Variants in HIPK2 observed in about 807,000 individuals in gnomAD.
HIPK2 encodes the protein homeodomain interacting protein kinase 2, also known as homeodomain-interacting protein kinase 2.
In HIPK2, 27 loss-of-function variants were observed where a neutral mutation model predicts 113.7. That is an observed-to-expected ratio of 0.24 (90% CI 0.17 to 0.33). The LOEUF (loss-of-function observed/expected upper bound fraction) is 0.33. HIPK2 is among the 10% of genes least tolerant of loss of function. The probability of loss-of-function intolerance (pLI) is 1.00; values close to 1 mark genes in which losing one functional copy is unlikely to be tolerated. For missense variants in HIPK2, 1,257 were observed against 1,588.0 expected (o/e 0.79, Z 3.54); for synonymous variants, 631 against 642.2 (o/e 0.98, Z 0.26).
chr7:139,715,772 G>A (rs1165615623), intron 2 of HIPK2, 160 bp downstream of exon 2: 58 of 590,316 alleles, frequency 9.8e-5, no homozygotes, highest in Non-Finnish European at 1.2e-4. Context: ...AATTGACATC[G>A]CAATGTGCAC....
intron 13 of HIPK2, among the ~76,000 whole-genome samples, chr7:139,579,366 C>T (rs189923759): frequency 3.9e-5 from 6 of 152,308 alleles, no homozygotes; most frequent in Admixed American, 3.3e-4. Context: ...AAGGCTCATA[C>T]TGTCTCAATG....
At chr7:139,649,589 G>C (rs1308215076) in intron 2 of HIPK2, among the ~76,000 whole-genome samples, 3 of 152,040 alleles carry the variant, frequency 2.0e-5, no homozygotes, top group Non-Finnish European at 4.4e-5. Flanking sequence ...ATTCGGGGGG[G>C]TGGTTTGGAA....
chr7:139,672,804 T>C (rs1297845196), intron 2 of HIPK2, among the ~76,000 whole-genome samples: 4 of 152,246 alleles, frequency 2.6e-5, no homozygotes, highest in Non-Finnish European at 4.4e-5. Context: ...TTAGAATCAC[T>C]GAACCAGAAT....
At chr7:139,756,517 C>T (rs143659552) in intron 1 of HIPK2, among the ~76,000 whole-genome samples, 28 of 152,262 alleles carry the variant, frequency 1.8e-4, no homozygotes, top group African/African-American at 4.8e-4. Context: ...CTCTGCCTCC[C>T]GGGTTCAAGC....
chr7:139,600,619 AG>A (rs1156802826), intron 10 of HIPK2, 23 bp from the exon 11 acceptor site: 2 of 1,611,792 alleles, frequency 1.2e-6, no homozygotes, highest in Non-Finnish European at 1.7e-6. Flanking sequence ...CGGGACAACA[AG>A]GTGCCTTAGA....
intron 2 of HIPK2, among the ~76,000 whole-genome samples, chr7:139,633,095 C>CAAAAAAAAAAAAAAAAAAA (rs942820284): frequency 1.9e-4 from 14 of 74,638 alleles, no homozygotes; most frequent in African/African-American, 5.4e-4. Flanking sequence ...GACCCTGTCT[C>CAAAAAAAAAAAAAAAAAAA]AAAAAAAAAA....
At chr7:139,623,865 C>T (rs1483080204) in intron 6 of HIPK2, among the ~76,000 whole-genome samples, 1 of 152,144 alleles carries the variant, frequency 6.6e-6, no homozygotes, top group East Asian at 1.9e-4. Context: ...ACAGGATTCC[C>T]TTCCCCTCCT....
chr7:139,758,706 G>C (rs1796401920), intron 1 of HIPK2, among the ~76,000 whole-genome samples: 1 of 152,152 alleles, frequency 6.6e-6, no homozygotes, highest in Non-Finnish European at 1.5e-5. Context: ...ACTAATGCCT[G>C]ATGATCTGAG....
chr7:139,716,916 T>A lies in HIPK2; in HGVS notation c.119A>T (p.Asp40Val). 1 of 1,613,906 alleles carries A rather than the reference T, an allele frequency of 6.2e-7. No homozygotes were observed. ...GCTGTGGGAGCCGTACCCAGTCATG[T>A]CCCAGTTGGAACTCGGCTCTATTTT... is the stretch of plus-strand genomic sequence containing the variant. ...KLKIEPSSNW[D>V]MTGYGSHSKV... Residue 40 changes from aspartate (D) to valine (V), a missense_variant, in exon 2 of 15, where the codon GAC becomes GTC. Coordinates refer to ENST00000406875, the MANE Select transcript of HIPK2 (RefSeq NM_022740.5). This position sits in a 1 kb window ranked among gnomAD's most constrained non-coding sequence, Gnocchi z 9.3.
At chr7:139,672,493 T>C (rs1802339727) in intron 2 of HIPK2, among the ~76,000 whole-genome samples, 2 of 152,172 alleles carry the variant, frequency 1.3e-5, no homozygotes, top group African/African-American at 4.8e-5. Context: ...GAGATGGAGT[T>C]TCGCTCTTGT....
chr7:139,740,993 G>A (rs1356060388), intron 1 of HIPK2, among the ~76,000 whole-genome samples: 1 of 152,052 alleles, frequency 6.6e-6, no homozygotes, highest in Admixed American at 6.5e-5. Context: ...CTAAAAATAC[G>A]AAAATTAGCC....
chr7:139,722,686 T>C (rs1183561514), intron 1 of HIPK2, among the ~76,000 whole-genome samples: 1 of 151,958 alleles, frequency 6.6e-6, no homozygotes, highest in South Asian at 2.1e-4. Context: ...TACGTCCTAC[T>C]GCCGGTTGGA....
intron 6 of HIPK2, among the ~76,000 whole-genome samples, chr7:139,623,558 A>G (rs376016591): frequency 2.6e-5 from 4 of 151,560 alleles, no homozygotes; most frequent in Admixed American, 6.6e-5. Context: ...GACAAATCCC[A>G]TAACAAGAGT....
At chr7:139,663,769 T>G (rs1801949020) in intron 2 of HIPK2, among the ~76,000 whole-genome samples, 1 of 152,144 alleles carries the variant, frequency 6.6e-6, no homozygotes, top group Admixed American at 6.5e-5. Flanking sequence ...ACTTTAGCAC[T>G]CTCCACAGTG....
chr7:139,641,493 G>A (rs1801019284), intron 2 of HIPK2, among the ~76,000 whole-genome samples: 1 of 152,100 alleles, frequency 6.6e-6, no homozygotes, highest in African/African-American at 2.4e-5. Flanking sequence ...CTGGGTACAT[G>A]CAGTACACTA....
rs60905469 is a variant in HIPK2, at chr7:139,673,885, T to TAAAAAA, written c.1103+42041_1103+42046dup. ...CACCATGGTGAAACCCTATCTGTACTAAAAAAAAAAAAAAAAAAAAAAAAA... is the reference window on the plus strand; with the variant it reads ...CACCATGGTGAAACCCTATCTGTACTAAAAAAAAAAAAAAAAAAAAAAAAAAAAAAA... On this transcript the variant is annotated intron_variant, in intron 2 of 14. Transcript: ENST00000406875. 1.1e-3 allele frequency among the ~76,000 whole-genome samples: 83 copies of TAAAAAA among 73,456 alleles called. 2 individuals are homozygous for TAAAAAA. The highest frequency in any genetic ancestry group is 8.2e-3 in the East Asian group (11 of 1,340). 48.2% of individuals were successfully genotyped at this position (73,456 alleles called of 152,430 possible). A position where few individuals can be genotyped will look rare whatever the true frequency, so the allele number is the denominator to read the frequency against.
chr7:139,603,154 C>A (rs1246103417), intron 10 of HIPK2, among the ~76,000 whole-genome samples: 1 of 152,106 alleles, frequency 6.6e-6, no homozygotes, highest in African/African-American at 2.4e-5. Context: ...TCGGAGAGAT[C>A]TTAATTCACA....
chr7:139,769,114 A>G (rs1286922996), intron 1 of HIPK2, among the ~76,000 whole-genome samples: 1 of 152,250 alleles, frequency 6.6e-6, no homozygotes, highest in African/African-American at 2.4e-5. Flanking sequence ...ATCCTAGATC[A>G]CTGCCATAAG....
intron 1 of HIPK2, among the ~76,000 whole-genome samples, chr7:139,725,751 T>C (rs1238682966): frequency 3.3e-5 from 5 of 152,188 alleles, no homozygotes; most frequent in Non-Finnish European, 4.4e-5. Flanking sequence ...CTCCAGGTGT[T>C]TGCTCGATAC....
Sources: allele counts gnomAD v4.1 joint callset (sites outside exome capture counted in the v4.1 genomes callset), GRCh38; gene constraint gnomAD v4.1.1; non-coding constraint Gnocchi (gnomAD v3.1); transcripts MANE v1.5; gene names NCBI Gene and HGNC (gene_info 2026-07-23, HGNC 2026-07-21).